FAF1: variants seen among roughly 807,000 people sequenced by gnomAD.
FAF1 encodes Fas associated factor 1.
In FAF1, 25 loss-of-function variants were observed where a neutral mutation model predicts 92.5. The observed-to-expected ratio is 0.27, with a 90% CI of 0.20 to 0.38. The LOEUF is 0.38. Ranked by LOEUF, FAF1 falls within the 10% of genes least tolerant of loss-of-function variation. The probability of loss-of-function intolerance (pLI) is 1.00; values close to 1 mark genes in which losing one functional copy is unlikely to be tolerated. For synonymous variants in FAF1, 234 were observed against 273.2 expected (o/e 0.86, Z 1.42); for missense variants, 636 against 793.3 (o/e 0.80, Z 2.38).
intron 15 of FAF1, among the ~76,000 whole-genome samples, chr1:50,506,574 G>A (rs1647061146): frequency 1.3e-5 from 2 of 152,072 alleles, no homozygotes; most frequent in South Asian, 4.1e-4. Flanking sequence ...TATTCACACT[G>A]TATTATTATA....
At chr1:50,793,024 G>A (rs1034799689) in intron 3 of FAF1, among the ~76,000 whole-genome samples, 16 of 151,960 alleles carry the variant, frequency 1.1e-4, no homozygotes, top group African/African-American at 3.9e-4. Context: ...GCGGAGTCTC[G>A]AACTGAGCAT....
At chr1:50,596,979 G>A (rs575128868) in intron 8 of FAF1, among the ~76,000 whole-genome samples, 2 of 152,130 alleles carry the variant, frequency 1.3e-5, no homozygotes, top group South Asian at 4.2e-4. Context: ...TACATACATA[G>A]GACAAATGAA....
chr1:50,450,427 C>T (rs1646281686), intron 18 of FAF1, among the ~76,000 whole-genome samples: 1 of 152,172 alleles, frequency 6.6e-6, no homozygotes, highest in South Asian at 2.1e-4. Flanking sequence ...GAGCTTCCAG[C>T]CTATATCCAG....
chr1:50,887,824 TTTG>T (rs1402450097), intron 1 of FAF1, among the ~76,000 whole-genome samples: 3 of 152,234 alleles, frequency 2.0e-5, no homozygotes, highest in African/African-American at 4.8e-5. Context: ...TGCCTCCAGC[TTTG>T]TTCTTTTGGC....
intron 1 of FAF1, among the ~76,000 whole-genome samples, chr1:50,872,709 C>T (rs916856345): frequency 2.0e-5 from 3 of 151,984 alleles, no homozygotes; most frequent in Non-Finnish European, 4.4e-5. Context: ...CCAGGCTGCC[C>T]AACATGGTGA....
At chr1:50,868,103 C>T (rs962776130) in intron 1 of FAF1, among the ~76,000 whole-genome samples, 2 of 151,902 alleles carry the variant, frequency 1.3e-5, no homozygotes, top group African/African-American at 4.8e-5. Flanking sequence ...TGCATGTTCT[C>T]ATTTATAAGT....
At chr1:50,742,242 A>T (rs1291073912) in intron 5 of FAF1, among the ~76,000 whole-genome samples, 1 of 152,120 alleles carries the variant, frequency 6.6e-6, no homozygotes. Context: ...TGAGTCTAGG[A>T]GGTCAAGGCA....
intron 8 of FAF1, among the ~76,000 whole-genome samples, chr1:50,634,756 A>C (rs796109063): frequency 1.3e-5 from 2 of 152,290 alleles, no homozygotes; most frequent in African/African-American, 4.8e-5. Context: ...TAATGCAAGA[A>C]ACTTTTACTA....
chr1:50,670,345 C>T (rs765915657), intron 7 of FAF1, among the ~76,000 whole-genome samples: 111 of 151,888 alleles, frequency 7.3e-4, no homozygotes, highest in Non-Finnish European at 1.3e-3. Context: ...ACCTGCACCT[C>T]CCAAAGTGCT....
chr1:50,650,374 G>A (rs1416517961), intron 8 of FAF1, among the ~76,000 whole-genome samples: 4 of 151,726 alleles, frequency 2.6e-5, no homozygotes, highest in Non-Finnish European at 4.4e-5. Context: ...TTGGGAGGCC[G>A]AGGTGAGGAT....
chr1:50,509,777 A>G (rs540861771), intron 15 of FAF1, among the ~76,000 whole-genome samples: 68 of 152,192 alleles, frequency 4.5e-4, no homozygotes, highest in Middle Eastern at 3.4e-3. Context: ...TCAAATACAG[A>G]CAGCCTTGCT....
intron 6 of FAF1, among the ~76,000 whole-genome samples, chr1:50,710,579 T>C (rs1657879640): frequency 6.6e-6 from 1 of 152,126 alleles, no homozygotes; most frequent in Non-Finnish European, 1.5e-5. Context: ...CCTTCACTCA[T>C]AGAACTATGA....
chr1:50,830,452 T>C (rs1644142737), intron 2 of FAF1, among the ~76,000 whole-genome samples: 1 of 152,196 alleles, frequency 6.6e-6, no homozygotes, highest in South Asian at 2.1e-4. Flanking sequence ...GGGAAAAAGG[T>C]TGTTCTTATA....
chr1:50,929,917 T>C lies in FAF1; in HGVS notation c.45+29850A>G, dbSNP rs1645035540. On this transcript the variant is annotated intron_variant, in intron 1 of 18. Coordinates refer to ENST00000396153, the MANE Select transcript of FAF1 (RefSeq NM_007051.3). ...GTAACGCTATACAAATTGTCAGTAA[T>C]TTACAGTCTACAACTCTTAAAAAGC... 2.0e-5 allele frequency among the ~76,000 whole-genome samples: 3 copies of C among 152,356 alleles called. No individual in the cohort carries two copies. In the South Asian group the frequency reaches 6.2e-4, roughly 32 times the overall value.
intron 18 of FAF1, among the ~76,000 whole-genome samples, chr1:50,450,799 G>A (rs915329098): frequency 1.3e-5 from 2 of 151,994 alleles, no homozygotes; most frequent in African/African-American, 4.8e-5. Context: ...GCAACATAAG[G>A]GATTACAATT....
intron 2 of FAF1, among the ~76,000 whole-genome samples, chr1:50,832,192 A>C (rs1314191664): frequency 2.6e-5 from 4 of 152,196 alleles, no homozygotes; most frequent in Non-Finnish European, 5.9e-5. Context: ...GAATCATCCC[A>C]AAACCATCCT....
rs576367214 is a variant in FAF1, at chr1:50,773,540, A to C, written c.367+14460T>G. Among the ~76,000 whole-genome samples, 216 of 152,348 alleles carry C rather than the reference A, an allele frequency of 1.4e-3. 1 individual carries two copies. The highest frequency in any genetic ancestry group is 2.1e-3 in the Non-Finnish European group (141 of 68,026). ...CATTTGCAACAACATGAATGAGTCT[A>C]GAGAACATTCTGCTAAGTGAAATAA... is the stretch of plus-strand genomic sequence containing the variant. On this transcript the variant is annotated intron_variant, in intron 4 of 18. Transcript: ENST00000396153.
rs1393844806 is a variant in FAF1, at chr1:50,554,384, TATATATAG to T, written c.1268+12685_1268+12692del. ...AGGTAAATATATATATATATATATA[TATATATAG>T]AGAGAGAGAGAGAGAGAGAGAGAGT... On this transcript the variant is annotated intron_variant, in intron 13 of 18. Coordinates refer to ENST00000396153, the MANE Select transcript of FAF1 (RefSeq NM_007051.3). Among the ~76,000 whole-genome samples, 16 of 97,950 alleles carry T rather than the reference TATATATAG, an allele frequency of 1.6e-4. 1 individual carries two copies. Among genetic ancestry groups the T allele is most frequent in the East Asian group, 1.0e-3 (4 of 3,968 alleles). The allele number at this position is 97,950 out of a possible 152,430, so 64.3% of individuals were successfully genotyped here. A position where few individuals can be genotyped will look rare whatever the true frequency, so the allele number is the denominator to read the frequency against.
intron 2 of FAF1, among the ~76,000 whole-genome samples, chr1:50,808,073 C>A (rs1016732983): frequency 1.3e-5 from 2 of 152,052 alleles, no homozygotes; most frequent in Non-Finnish European, 2.9e-5. Flanking sequence ...AGAAACCCTA[C>A]AAGCCAGAAG....
Sources: allele counts gnomAD v4.1 joint callset (sites outside exome capture counted in the v4.1 genomes callset), GRCh38; gene constraint gnomAD v4.1.1; transcripts MANE v1.5; gene names NCBI Gene and HGNC (gene_info 2026-07-23, HGNC 2026-07-21).